Variants in TENT4A observed in about 807,000 individuals in gnomAD.
The protein encoded by TENT4A is terminal nucleotidyltransferase 4A.
Under a neutral mutation model 72.8 loss-of-function variants are expected in TENT4A, and 7 were observed. The ratio of observed to expected loss-of-function variants is 0.10; its 90% CI spans 0.05 to 0.18. The LOEUF is 0.18. Among genes scored for constraint, TENT4A ranks in the 10% least tolerant of loss-of-function variants. The pLI, the probability that TENT4A is intolerant of heterozygous loss-of-function variation, is 1.00. For missense variants in TENT4A, 831 were observed against 1,017.7 expected (o/e 0.82, Z 2.50); for synonymous variants, 456 against 434.3 (o/e 1.05, Z -0.62).
At chr5:6,732,201 C>T (rs77706023) in intron 1 of TENT4A, among the ~76,000 whole-genome samples, 3,151 of 152,290 alleles carry the variant, frequency 0.021, 38 homozygotes, top group Non-Finnish European at 0.029. Flanking sequence ...AGGCAGTGCA[C>T]GGGTGGGCTT....
intron 1 of TENT4A, among the ~76,000 whole-genome samples, chr5:6,726,283 G>A (rs1213087750): frequency 1.3e-5 from 2 of 152,170 alleles, no homozygotes; most frequent in Admixed American, 6.5e-5. Flanking sequence ...CTCCTGAAGG[G>A]TCTGCAGTCT....
intron 1 of TENT4A, among the ~76,000 whole-genome samples, chr5:6,732,626 T>C (rs1276221385): frequency 6.6e-6 from 1 of 152,266 alleles, no homozygotes; most frequent in Non-Finnish European, 1.5e-5. Context: ...GAGTGATCTT[T>C]TGTTGTTTTT....
chr5:6,728,513 C>G (rs376216587), intron 1 of TENT4A, among the ~76,000 whole-genome samples: 2 of 152,218 alleles, frequency 1.3e-5, no homozygotes, highest in African/African-American at 4.8e-5. Flanking sequence ...GGGGCCTTGC[C>G]TTTGGCAGGG....
At chr5:6,721,173 C>T (rs1272224068) in intron 1 of TENT4A, among the ~76,000 whole-genome samples, 4 of 152,212 alleles carry the variant, frequency 2.6e-5, no homozygotes, top group Admixed American at 6.5e-5. Flanking sequence ...GCCAAGCACA[C>T]GGTAGCCACT....
At chr5:6,744,476 A>G (rs1376332049) in intron 6 of TENT4A, among the ~76,000 whole-genome samples, 2 of 152,268 alleles carry the variant, frequency 1.3e-5, no homozygotes, top group African/African-American at 2.4e-5. Flanking sequence ...TCTGTCCTTT[A>G]CAAAATCTTG....
intron 7 of TENT4A, among the ~76,000 whole-genome samples, chr5:6,746,752 C>T (rs1742122310): frequency 6.6e-6 from 1 of 152,148 alleles, no homozygotes; most frequent in Non-Finnish European, 1.5e-5. Flanking sequence ...CCATGGATGC[C>T]ATAATCCCCT....
chr5:6,731,566 G>A (rs1741217376), intron 1 of TENT4A, among the ~76,000 whole-genome samples: 2 of 151,130 alleles, frequency 1.3e-5, no homozygotes, highest in Non-Finnish European at 3.0e-5. Context: ...TTGAGATGGG[G>A]TCTTGCACTG....
chr5:6,750,691 T>G (rs1172887585), intron 10 of TENT4A, 188 bp downstream of exon 10: 6 of 576,624 alleles, frequency 1.0e-5, no homozygotes, highest in Non-Finnish European at 1.8e-5. Flanking sequence ...CCGTGAACCT[T>G]CAGAACCTGT....
At chr5:6,733,638 T>A (rs1408119044) in intron 1 of TENT4A, among the ~76,000 whole-genome samples, 1 of 152,244 alleles carries the variant, frequency 6.6e-6, no homozygotes, top group Non-Finnish European at 1.5e-5. Context: ...TGTGAGAACA[T>A]AAGACTAAAC....
chr5:6,753,784 C>T (rs540228177), intron 12 of TENT4A, among the ~76,000 whole-genome samples: 1 of 152,168 alleles, frequency 6.6e-6, no homozygotes, highest in Non-Finnish European at 1.5e-5. Flanking sequence ...GCTTTGTTGG[C>T]CCTGTGTTGT....
intron 1 of TENT4A, among the ~76,000 whole-genome samples, chr5:6,732,465 C>T (rs762846030): frequency 6.6e-6 from 1 of 152,196 alleles, no homozygotes; most frequent in African/African-American, 2.4e-5. Flanking sequence ...TAAATACATA[C>T]AGCAAGCATA....
intron 1 of TENT4A, among the ~76,000 whole-genome samples, chr5:6,722,596 T>C (rs1193100591): frequency 2.0e-5 from 3 of 149,944 alleles, no homozygotes; most frequent in African/African-American, 7.4e-5. Flanking sequence ...ATCAGCACTG[T>C]TCTACAGCTT....
chr5:6,730,432 G>A (rs1009181679), intron 1 of TENT4A, among the ~76,000 whole-genome samples: 1 of 152,158 alleles, frequency 6.6e-6, no homozygotes, highest in African/African-American at 2.4e-5. Context: ...CTTTTTCACC[G>A]AGTTAGCATT....
intron 12 of TENT4A, among the ~76,000 whole-genome samples, chr5:6,754,337 T>G (rs1742576246): frequency 6.6e-6 from 1 of 152,074 alleles, no homozygotes; most frequent in Non-Finnish European, 1.5e-5. Context: ...CCCAGCCAAT[T>G]TTTGTATTTT....
At chr5:6,732,978 G>C (rs1741285698) in intron 1 of TENT4A, among the ~76,000 whole-genome samples, 1 of 152,224 alleles carries the variant, frequency 6.6e-6, no homozygotes, top group South Asian at 2.1e-4. Flanking sequence ...CTAAGACGAG[G>C]CTAGAAGTCA....
At chr5:6,721,514 TAGAA>T (rs1378938632) in intron 1 of TENT4A, among the ~76,000 whole-genome samples, 3 of 152,206 alleles carry the variant, frequency 2.0e-5, no homozygotes, top group South Asian at 2.1e-4. Context: ...TATGAAAAGT[TAGAA>T]AGCCTGGAGA....
chr5:6,727,565 C>T (rs117528998), intron 1 of TENT4A, among the ~76,000 whole-genome samples: 1,777 of 152,278 alleles, frequency 0.012, 53 homozygotes, highest in East Asian at 0.07. Context: ...ACCTGGGGGC[C>T]CTGTCCTGCT....
rs1181580728 is a variant in TENT4A, at chr5:6,739,090, A to ATTT, written c.887+361_887+362insTTT. Among the ~76,000 whole-genome samples, 39 of 152,374 alleles carry ATTT rather than the reference A, an allele frequency of 2.6e-4. 1 individual carries two copies. The highest frequency in any genetic ancestry group is 8.7e-4 in the African/African-American group (36 of 41,588). ...CTTATGTTTTGATGAAGATTCAAGC[A>ATTT]AAATTCTCTTTAAATAGTATTTTCT... is the stretch of plus-strand genomic sequence containing the variant. On this transcript the variant is annotated intron_variant, in intron 3 of 12. Transcript: ENST00000230859.
At chr5:6,741,669 C>A (rs1741813446) in intron 4 of TENT4A, among the ~76,000 whole-genome samples, 2 of 152,254 alleles carry the variant, frequency 1.3e-5, no homozygotes, top group Admixed American at 6.5e-5. Flanking sequence ...CATGTCCTCA[C>A]ACGCTGAGTC....
Sources: gnomAD v4.1 joint callset for allele counts (sites outside exome capture counted in the v4.1 genomes callset) on GRCh38, gnomAD v4.1.1 for gene constraint, MANE v1.5 for transcripts, NCBI Gene and HGNC (gene_info 2026-07-23, HGNC 2026-07-21) for gene names.